Variants in TBC1D22A observed in about 807,000 individuals in gnomAD.
TBC1D22A encodes TBC1 domain family member 22A.
In TBC1D22A, 38 loss-of-function variants were observed where a neutral mutation model predicts 60.2. That is an observed-to-expected ratio of 0.63 (90% confidence interval 0.49 to 0.83). TBC1D22A has a LOEUF of 0.83. Among genes scored for constraint, TBC1D22A ranks in the 40% least tolerant of loss-of-function variants. The probability of loss-of-function intolerance (pLI) is 0.00; values close to 1 mark genes in which losing one functional copy is unlikely to be tolerated. For synonymous variants in TBC1D22A, 302 were observed against 281.7 expected, an observed-to-expected ratio of 1.07 and a Z score of -0.72; for missense variants, 628 against 701.0, an observed-to-expected ratio of 0.90 and a Z score of 1.18.
intron 8 of TBC1D22A, chr22:46,916,145 A>G: frequency 2.4e-6 from 1 of 408,810 alleles, no homozygotes; most frequent in Non-Finnish European, 4.3e-6. Flanking sequence ...TAAGCAACTA[A>G]TGAGAGCTGC....
At chr22:46,932,309 A>C (rs923296908) in intron 8 of TBC1D22A, among the ~76,000 whole-genome samples, 2 of 152,200 alleles carry the variant, frequency 1.3e-5, no homozygotes, top group Non-Finnish European at 2.9e-5. Context: ...CCGGCCCCAG[A>C]ACTCATGGTT....
chr22:46,777,099 C>T lies in TBC1D22A; in HGVS notation c.62+14251C>T, dbSNP rs924819140. Among the ~76,000 whole-genome samples the T allele has an allele frequency of 1.3e-5, 2 of 151,880 alleles. No homozygotes were observed. Among genetic ancestry groups the T allele is most frequent in the Non-Finnish European group, 2.9e-5 (2 of 67,966 alleles). ...CAAGGTGACCTAGAGGATGTGGAGA[C>T]GTGGGTGGGTGGTGTGCTTCAGGGA... On this transcript the variant is annotated intron_variant, in intron 1 of 12. Transcript: ENST00000337137. The surrounding 1 kb of genome is among the most constrained non-coding windows in gnomAD (Gnocchi z 4.5).
At chr22:46,978,281 A>AT (rs1471554428) in intron 9 of TBC1D22A, among the ~76,000 whole-genome samples, 2 of 152,240 alleles carry the variant, frequency 1.3e-5, no homozygotes, top group Non-Finnish European at 2.9e-5. Context: ...GTGTGGGTTA[A>AT]TTCTCTTGAT....
rs573008363 is a variant in TBC1D22A, at chr22:46,873,919, C to G, written c.638-4734C>G. Among the ~76,000 whole-genome samples the G allele has an allele frequency of 3.3e-5, 5 of 152,272 alleles. No individual in the cohort carries two copies. The East Asian group carries it at 9.6e-4, about 29-fold the overall frequency. On this transcript the variant is annotated intron_variant, in intron 4 of 12. Coordinates refer to ENST00000337137, the MANE Select transcript of TBC1D22A (RefSeq NM_014346.5). ...TCACACCATTCTTCTGCCTCAGCCT[C>G]CTGAGTAGCTGGGATTACAGGTGCC...
At chr22:46,958,218 T>C (rs565819664) in intron 8 of TBC1D22A, among the ~76,000 whole-genome samples, 1 of 152,204 alleles carries the variant, frequency 6.6e-6, no homozygotes, top group Non-Finnish European at 1.5e-5. Flanking sequence ...CCTGGGAGTT[T>C]CGTAGAACCA....
rs2083748486 is a variant in TBC1D22A, at chr22:46,777,361, G to T, written c.62+14513G>T. On this transcript the variant is annotated intron_variant, in intron 1 of 12. Transcript: ENST00000337137. This position sits in a 1 kb window ranked among gnomAD's most constrained non-coding sequence, Gnocchi z 4.5. ...TGTGTGACTGGTAGAGAGTGATGTT[G>T]TCCAAGGGTGGGGACCGAAGAGTGG... Among the ~76,000 whole-genome samples, 1 of 152,162 alleles carries T rather than the reference G, an allele frequency of 6.6e-6. No homozygotes were observed. The highest frequency in any genetic ancestry group is 1.5e-5 in the Non-Finnish European group (1 of 68,036).
At chr22:46,880,034 G>A (rs1044705398) in intron 5 of TBC1D22A, among the ~76,000 whole-genome samples, 5 of 152,166 alleles carry the variant, frequency 3.3e-5, no homozygotes, top group African/African-American at 9.7e-5. Context: ...CAGGAACCCC[G>A]GCGAGGCAAG....
intron 12 of TBC1D22A, among the ~76,000 whole-genome samples, chr22:47,115,264 A>G (rs977258326): frequency 6.6e-6 from 1 of 152,166 alleles, no homozygotes; most frequent in Non-Finnish European, 1.5e-5. Context: ...CCTCAGGCAC[A>G]TGCCCCATGC....
chr22:46,946,404 G>T (rs1010538377), intron 8 of TBC1D22A, among the ~76,000 whole-genome samples: 3 of 152,208 alleles, frequency 2.0e-5, no homozygotes, highest in African/African-American at 7.2e-5. Flanking sequence ...GCTCCCCCTT[G>T]TTCCTTCAGG....
At chr22:46,922,365 C>T (rs532563713) in intron 8 of TBC1D22A, among the ~76,000 whole-genome samples, 2 of 152,312 alleles carry the variant, frequency 1.3e-5, no homozygotes, top group Admixed American at 1.3e-4. Flanking sequence ...TGTAATGCCT[C>T]CAGCTTTGTT....
At chr22:46,951,969 A>G (rs569442319) in intron 8 of TBC1D22A, among the ~76,000 whole-genome samples, 11 of 152,340 alleles carry the variant, frequency 7.2e-5, no homozygotes, top group Admixed American at 4.6e-4. Context: ...CAATGATCAC[A>G]TTAAGAGCAG....
chr22:46,897,603 G>A (rs1200812356), intron 7 of TBC1D22A, among the ~76,000 whole-genome samples: 2 of 150,890 alleles, frequency 1.3e-5, no homozygotes, highest in Non-Finnish European at 2.9e-5. Flanking sequence ...TGTTACCTGG[G>A]CATGGAAAGT....
intron 6 of TBC1D22A, 119 bp downstream of exon 6, chr22:46,891,513 C>T: frequency 9.5e-7 from 1 of 1,047,288 alleles, no homozygotes; most frequent in Non-Finnish European, 1.3e-6. Context: ...ATGCAGGTCC[C>T]TGATTAGCTC....
In TBC1D22A at chr22:47,009,563, A is replaced by G. The variant is rs2061692840; in HGVS notation, c.1201+11854A>G. Among the ~76,000 whole-genome samples the G allele has an allele frequency of 2.0e-5, 3 of 151,696 alleles. No homozygotes were observed. Among genetic ancestry groups the G allele is most frequent in the South Asian group, 4.2e-4 (2 of 4,804 alleles). The stretch of plus-strand genomic sequence containing the variant: ...TTGCCATCATCACCATCATTACGTC[A>G]TCACCAGCATCATCATCACCATCAC... On this transcript the variant is annotated intron_variant, in intron 10 of 12. Coordinates refer to ENST00000337137, the MANE Select transcript of TBC1D22A (RefSeq NM_014346.5). The surrounding 1 kb of genome is among the most constrained non-coding windows in gnomAD (Gnocchi z 5.8).
chr22:46,974,517 C>T (rs2074213917), intron 9 of TBC1D22A, 118 bp downstream of exon 9: 1 of 789,946 alleles, frequency 1.3e-6, no homozygotes. Context: ...CCTGAAGCCT[C>T]ACTTTTCTAC....
intron 8 of TBC1D22A, among the ~76,000 whole-genome samples, chr22:46,952,133 C>G (rs1011851832): frequency 6.6e-6 from 1 of 152,244 alleles, no homozygotes; most frequent in African/African-American, 2.4e-5. Context: ...AGTGACTGGC[C>G]TGCCCTGTGG....
chr22:47,027,716 A>G (rs956287098), intron 10 of TBC1D22A, among the ~76,000 whole-genome samples: 5 of 152,256 alleles, frequency 3.3e-5, no homozygotes, highest in African/African-American at 1.2e-4. Flanking sequence ...ACCCTCACAC[A>G]TTAAAGAAAA....
intron 11 of TBC1D22A, among the ~76,000 whole-genome samples, chr22:47,090,833 G>A (rs6009124): frequency 0.45 from 49,791 of 110,878 alleles, 9,372 homozygotes; most frequent in East Asian, 0.57. Context: ...TGATAGAGAC[G>A]GGCACGAGAA....
intron 4 of TBC1D22A, among the ~76,000 whole-genome samples, chr22:46,855,885 T>TA (rs1476218657): frequency 6.6e-6 from 1 of 152,240 alleles, no homozygotes; most frequent in Non-Finnish European, 1.5e-5. Context: ...ATTGCATACT[T>TA]ATCTAAAATT....
Sources: gnomAD v4.1 joint callset for allele counts (sites outside exome capture counted in the v4.1 genomes callset) on GRCh38, gnomAD v4.1.1 for gene constraint, Gnocchi (gnomAD v3.1) non-coding constraint, MANE v1.5 for transcripts, NCBI Gene and HGNC (gene_info 2026-07-23, HGNC 2026-07-21) for gene names.